The following KIAA0319 variants were observed in gnomAD, a reference collection of about 807,000 sequenced individuals.
The protein encoded by KIAA0319 is KIAA0319.
Under a neutral mutation model 108.4 loss-of-function variants are expected in KIAA0319, and 83 were observed. The ratio of observed to expected loss-of-function variants is 0.77; its 90% confidence interval spans 0.64 to 0.92. The LOEUF is 0.92. KIAA0319 is among the 40% of genes least tolerant of loss of function. The pLI is 0.00. For synonymous variants in KIAA0319, 484 were observed against 510.4 expected (o/e 0.95, Z 0.70); for missense variants, 1,195 against 1,322.4 (o/e 0.90, Z 1.49).
chr6:24,560,352 G>A (rs1025911106), intron 16 of KIAA0319, among the ~76,000 whole-genome samples: 3 of 152,168 alleles, frequency 2.0e-5, no homozygotes, highest in Non-Finnish European at 4.4e-5. Context: ...TTCTCCACAG[G>A]CTCGCCAGCA....
rs1381673731 is a variant in KIAA0319 at position 24,600,675 on chromosome 6, A to AT, written c.55+373dup. On this transcript the variant is annotated intron_variant, in intron 2 of 20. Coordinates refer to ENST00000378214, the MANE Select transcript of KIAA0319 (RefSeq NM_014809.4). ...TCTTCTTAAATGATGCTCACCAGTG[A>AT]TTTTTTTGCCATGAGTGCATCCACC... The AT allele has an allele frequency of 1.6e-5, 25 of 1,534,902 alleles. No homozygotes were observed. In the Admixed American group the frequency reaches 2.2e-4, roughly 13 times the overall value.
chr6:24,548,371 A>C (rs796805425), intron 20 of KIAA0319, among the ~76,000 whole-genome samples: 4 of 152,326 alleles, frequency 2.6e-5, no homozygotes, highest in African/African-American at 9.6e-5. Context: ...ATTGAATCCC[A>C]GGTTACCACA....
intron 1 of KIAA0319, among the ~76,000 whole-genome samples, chr6:24,603,371 A>G (rs554722660): frequency 2.2e-4 from 34 of 152,348 alleles, no homozygotes; most frequent in African/African-American, 7.9e-4. Context: ...TTTCAAATAC[A>G]TAACAAAGGC....
intron 1 of KIAA0319, among the ~76,000 whole-genome samples, chr6:24,625,824 A>C (rs1432007427): frequency 6.6e-6 from 1 of 152,254 alleles, no homozygotes; most frequent in African/African-American, 2.4e-5. Context: ...TACTAACAGC[A>C]TCACAAAGAG....
intron 1 of KIAA0319, among the ~76,000 whole-genome samples, chr6:24,638,033 G>A (rs1776424928): frequency 6.6e-6 from 1 of 152,136 alleles, no homozygotes. Context: ...TCCCACTGAA[G>A]ACAAGTCACC....
intron 3 of KIAA0319, among the ~76,000 whole-genome samples, chr6:24,589,915 A>G (rs200338310): frequency 1.3e-5 from 2 of 152,242 alleles, no homozygotes; most frequent in East Asian, 3.8e-4. Context: ...CTTAAACTAA[A>G]CAGTGTGTGC....
chr6:24,620,961 T>C (rs922775701), intron 1 of KIAA0319, among the ~76,000 whole-genome samples: 1 of 152,106 alleles, frequency 6.6e-6, no homozygotes, highest in Non-Finnish European at 1.5e-5. Context: ...CAATTCAAAA[T>C]AAGAAACAGA....
Position 24,546,689 on chromosome 6 carries a change from A to C in KIAA0319, c.*476T>G, listed in dbSNP as rs991504859. 6.2e-6 allele frequency: 1 copy of C among 160,476 alleles called. No individual in the cohort carries two copies. The highest frequency in any genetic ancestry group is 2.4e-5 in the African/African-American group (1 of 41,572). The allele number at this position is 160,476 out of a possible 1,614,324, so 9.9% of individuals were successfully genotyped here. On this transcript the variant is annotated 3_prime_UTR_variant, in exon 21 of 21. Transcript: ENST00000378214. Reference sequence around the variant, plus strand: ...TACATGCAAGACTCCGTACCTCCACAGATGGCCCGTGCCTCTTAGACAAGC... The same window carrying C: ...TACATGCAAGACTCCGTACCTCCACCGATGGCCCGTGCCTCTTAGACAAGC...
At chr6:24,618,963 G>T (rs76823444) in intron 1 of KIAA0319, among the ~76,000 whole-genome samples, 1,724 of 152,254 alleles carry the variant, frequency 0.011, 28 homozygotes, top group African/African-American at 0.039. Flanking sequence ...TTTGAGCAAA[G>T]ACTTAGGAGA....
chr6:24,635,504 A>G (rs374949505), intron 1 of KIAA0319, among the ~76,000 whole-genome samples: 13 of 152,292 alleles, frequency 8.5e-5, no homozygotes, highest in Non-Finnish European at 1.3e-4. Flanking sequence ...CTTTCAGAGA[A>G]TGCTTTAAAA....
chr6:24,643,728 C>T (rs1022001108), intron 1 of KIAA0319, among the ~76,000 whole-genome samples: 1 of 152,138 alleles, frequency 6.6e-6, no homozygotes, highest in African/African-American at 2.4e-5. Context: ...GAACACATCT[C>T]AAAAATAACA....
intron 10 of KIAA0319, among the ~76,000 whole-genome samples, chr6:24,576,119 G>T (rs547670885): frequency 2.6e-5 from 4 of 152,248 alleles, no homozygotes; most frequent in South Asian, 4.1e-4. Context: ...TTCCCAAACC[G>T]ATCTCAAGAT....
chr6:24,630,710 T>C (rs79255077), intron 1 of KIAA0319, among the ~76,000 whole-genome samples: 23 of 138,678 alleles, frequency 1.7e-4, no homozygotes, highest in East Asian at 4.0e-4. Context: ...TATACACATA[T>C]ACACACAAAC....
intron 1 of KIAA0319, among the ~76,000 whole-genome samples, chr6:24,644,511 T>C (rs1295591574): frequency 2.6e-5 from 4 of 152,166 alleles, no homozygotes; most frequent in Admixed American, 6.5e-5. Context: ...TATACCTCGT[T>C]GTGCTTAAAG....
rs1442477621 is a variant in KIAA0319 at position 24,569,044 on chromosome 6, A to G, written c.1992-115T>C. 6.6e-6 allele frequency: 7 copies of G among 1,059,232 alleles called. No homozygotes were observed. The East Asian group carries it at 1.7e-4, about 26-fold the overall frequency. 65.6% of individuals were successfully genotyped at this position (1,059,232 alleles called of 1,614,324 possible). On this transcript the variant is annotated intron_variant, in intron 12 of 20. Coordinates refer to ENST00000378214, the MANE Select transcript of KIAA0319 (RefSeq NM_014809.4). ...GTTCCAGCTATAATATATACCATTT[A>G]GAGAATTCTAAGAAAACTCCATTCA...
intron 4 of KIAA0319, among the ~76,000 whole-genome samples, chr6:24,587,532 G>A (rs1033909913): frequency 1.1e-4 from 16 of 151,930 alleles, no homozygotes; most frequent in African/African-American, 2.7e-4. Flanking sequence ...CACCCACCTC[G>A]GCCTCCCAAA....
intron 20 of KIAA0319, among the ~76,000 whole-genome samples, chr6:24,549,212 A>G (rs1761073851): frequency 6.6e-6 from 1 of 151,534 alleles, no homozygotes; most frequent in South Asian, 2.1e-4. Flanking sequence ...TGTAATCCCA[A>G]CTACTTGGGA....
At chr6:24,571,145 T>A (rs906825460) in intron 11 of KIAA0319, among the ~76,000 whole-genome samples, 4 of 151,032 alleles carry the variant, frequency 2.6e-5, no homozygotes. Context: ...TGAGTCAAGA[T>A]CATGCCACTG....
intron 1 of KIAA0319, among the ~76,000 whole-genome samples, chr6:24,615,072 A>G (rs1198729155): frequency 6.6e-6 from 1 of 152,226 alleles, no homozygotes; most frequent in Non-Finnish European, 1.5e-5. Flanking sequence ...GTGAACTGTA[A>G]TATACAGTAT....
Sources: allele counts gnomAD v4.1 joint callset (sites outside exome capture counted in the v4.1 genomes callset), GRCh38; gene constraint gnomAD v4.1.1; transcripts MANE v1.5; gene names NCBI Gene and HGNC (gene_info 2026-07-23, HGNC 2026-07-21).